Variants in DPP6 observed in about 807,000 individuals in gnomAD.
DPP6 encodes the protein A-type potassium channel modulatory protein DPP6.
DPP6 carries 69 observed loss-of-function variants against 122.6 expected under a neutral mutation model. The ratio of observed to expected loss-of-function variants is 0.56; its 90% CI spans 0.46 to 0.69. The LOEUF (loss-of-function observed/expected upper bound fraction) is 0.69. DPP6 is among the 30% of genes least tolerant of loss of function. The probability of loss-of-function intolerance (pLI) is 0.00; values close to 1 mark genes in which losing one functional copy is unlikely to be tolerated. For missense variants in DPP6, 928 were observed against 1,116.9 expected (o/e 0.83, Z 2.41); for synonymous variants, 418 against 433.1 (o/e 0.97, Z 0.43).
intron 1 of DPP6, among the ~76,000 whole-genome samples, chr7:154,053,379 A>G (rs1302936890): frequency 1.3e-5 from 2 of 152,088 alleles, no homozygotes; most frequent in African/African-American, 2.4e-5. Flanking sequence ...TTTTAACAGC[A>G]TGCTGCTATG....
At chr7:154,077,724 G>A (rs1329413105) in intron 1 of DPP6, among the ~76,000 whole-genome samples, 1 of 150,474 alleles carries the variant, frequency 6.6e-6, no homozygotes, top group Non-Finnish European at 1.5e-5. Flanking sequence ...AGGCTAGAGT[G>A]CAGTGGTGTG....
At chr7:154,099,122 C>G in intron 1 of DPP6, among the ~76,000 whole-genome samples, 1 of 150,446 alleles carries the variant, frequency 6.6e-6, no homozygotes, top group Non-Finnish European at 1.5e-5. Context: ...AGGTTTGCTC[C>G]ATGTAAGGAT....
At chr7:153,942,200 C>T (rs1235063922) in intron 1 of DPP6, among the ~76,000 whole-genome samples, 4 of 152,208 alleles carry the variant, frequency 2.6e-5, no homozygotes, top group Non-Finnish European at 4.4e-5. Flanking sequence ...CTTTTTATCA[C>T]GCATCTTCTG....
At chr7:154,765,780 T>C (rs1795857587) in intron 8 of DPP6, among the ~76,000 whole-genome samples, 1 of 152,196 alleles carries the variant, frequency 6.6e-6, no homozygotes, top group African/African-American at 2.4e-5. Context: ...AGATGTATTC[T>C]CTAGTTTTCC....
Position 154,889,298 on chromosome 7 carries a change from C to T in DPP6, c.2331C>T (p.Ser777=), listed in dbSNP as rs184591023. The T allele has an allele frequency of 5.5e-4, 895 of 1,613,072 alleles. 2 individuals are homozygous for T. The highest frequency in any genetic ancestry group is 1.9e-3 in the African/African-American group (142 of 74,956). Residue 777 remains serine, a synonymous_variant, in exon 24 of 26, where the codon TCC becomes TCT. Coordinates refer to ENST00000377770, the MANE Select transcript of DPP6 (RefSeq NM_130797.4). ...YEMTKVAHRV[S]ALEEQQFLII... The stretch of plus-strand genomic sequence containing the variant: ...TGACCAAGGTAGCCCATCGAGTCTC[C>T]GCGCTGGAAGAACAGCAGTTCCTGA...
the DPP6 span, among the ~76,000 whole-genome samples, chr7:153,799,378 A>G: frequency 1.1e-3 from 161 of 152,272 alleles, no homozygotes; most frequent in Non-Finnish European, 2.0e-3. Flanking sequence ...ATGAAGACAT[A>G]TTTTTGAGCT....
In DPP6 at chr7:154,853,680, C is replaced by A. The variant is rs1174305250; in HGVS notation, c.1667-100C>A. On this transcript the variant is annotated intron_variant, in intron 16 of 25. Coordinates refer to ENST00000377770, the MANE Select transcript of DPP6 (RefSeq NM_130797.4). The stretch of plus-strand genomic sequence containing the variant: ...GAATTCGGGTTCTCCAGGCTCCGCA[C>A]GTCTATCTACGTGGCATAAGAAAAG... 4 of 1,508,796 alleles carry A rather than the reference C, an allele frequency of 2.7e-6. No individual in the cohort carries two copies. The East Asian group carries it at 6.9e-5, about 26-fold the overall frequency. The allele number at this position is 1,508,796 out of a possible 1,614,324, so 93.5% of individuals were successfully genotyped here. A position where few individuals can be genotyped will look rare whatever the true frequency, so the allele number is the denominator to read the frequency against.
intron 1 of DPP6, among the ~76,000 whole-genome samples, chr7:154,261,588 C>T (rs1403457595): frequency 3.3e-5 from 5 of 152,006 alleles, no homozygotes; most frequent in Non-Finnish European, 1.5e-5. Flanking sequence ...GTAAGGTCAG[C>T]AGAATAAACA....
At chr7:154,490,378 C>T (rs925994147) in intron 3 of DPP6, among the ~76,000 whole-genome samples, 2 of 152,204 alleles carry the variant, frequency 1.3e-5, no homozygotes, top group African/African-American at 2.4e-5. Flanking sequence ...ATCCAAAGCA[C>T]GCAGCCCTCC....
chr7:154,390,403 G>T (rs149293049), intron 1 of DPP6, among the ~76,000 whole-genome samples: 423 of 152,218 alleles, frequency 2.8e-3, no homozygotes, highest in African/African-American at 9.6e-3. Context: ...GTGTTGGAGA[G>T]TTTGAGTTTT....
At chr7:153,767,554 T>A in the DPP6 span, among the ~76,000 whole-genome samples, 1 of 147,472 alleles carries the variant, frequency 6.8e-6, no homozygotes, top group Non-Finnish European at 1.5e-5. Context: ...TTTTTTTGTA[T>A]TTTTACTAGA....
the DPP6 span, among the ~76,000 whole-genome samples, chr7:153,867,899 T>C: frequency 6.6e-6 from 1 of 152,232 alleles, no homozygotes; most frequent in Non-Finnish European, 1.5e-5. Flanking sequence ...TATGCATCTA[T>C]TGAGATAATC....
the DPP6 span, among the ~76,000 whole-genome samples, chr7:153,861,014 C>T: frequency 2.6e-5 from 4 of 152,138 alleles, no homozygotes; most frequent in African/African-American, 9.7e-5. Context: ...TACCCTTCCC[C>T]ATATCAGGCA....
At chr7:154,170,645 C>G (rs1217657079) in intron 1 of DPP6, among the ~76,000 whole-genome samples, 1 of 152,140 alleles carries the variant, frequency 6.6e-6, no homozygotes, top group Non-Finnish European at 1.5e-5. Context: ...CTTGCCCTGG[C>G]CTTTCTGAAA....
In DPP6 at chr7:154,483,270, C is replaced by A. The variant is rs1281327051; in HGVS notation, c.457+8233C>A. On this transcript the variant is annotated intron_variant, in intron 3 of 25. Transcript: ENST00000377770. The surrounding 1 kb of genome is among the most constrained non-coding windows in gnomAD (Gnocchi z 8.1). The stretch of plus-strand genomic sequence containing the variant: ...GAAAAACCACCCCACGGTGGCCACG[C>A]ACCTCTTCCTGGCTCACAGCCCCAG... 2.0e-5 allele frequency among the ~76,000 whole-genome samples: 3 copies of A among 152,160 alleles called. No individual in the cohort carries two copies. Among genetic ancestry groups the A allele is most frequent in the Non-Finnish European group, 4.4e-5 (3 of 68,038 alleles).
At chr7:154,640,707 A>C (rs956358533) in intron 6 of DPP6, among the ~76,000 whole-genome samples, 1 of 152,178 alleles carries the variant, frequency 6.6e-6, no homozygotes, top group Admixed American at 6.6e-5. Context: ...CGGAGCTCTA[A>C]GTCTGAGGAT....
chr7:154,318,675 A>T (rs1170287066), intron 1 of DPP6, among the ~76,000 whole-genome samples: 1 of 152,238 alleles, frequency 6.6e-6, no homozygotes, highest in Non-Finnish European at 1.5e-5. Flanking sequence ...TAAGTTTGGA[A>T]TGCAGAGCTG....
intron 10 of DPP6, among the ~76,000 whole-genome samples, chr7:154,787,861 C>CT (rs1414957184): frequency 6.6e-6 from 1 of 152,056 alleles, no homozygotes; most frequent in East Asian, 1.9e-4. Flanking sequence ...GTTTCTATTC[C>CT]TTTTTTCTAA....
intron 3 of DPP6, among the ~76,000 whole-genome samples, chr7:154,494,559 T>A (rs1167138807): frequency 6.6e-6 from 1 of 152,002 alleles, no homozygotes; most frequent in Non-Finnish European, 1.5e-5. Flanking sequence ...TTTTTGTTTC[T>A]TTCTATATTT....
Sources: allele counts gnomAD v4.1 joint callset (sites outside exome capture counted in the v4.1 genomes callset), GRCh38; gene constraint gnomAD v4.1.1; non-coding constraint Gnocchi (gnomAD v3.1); transcripts MANE v1.5; gene names NCBI Gene and HGNC (gene_info 2026-07-23, HGNC 2026-07-21).